Variants in HAPLN1 observed in about 807,000 individuals in gnomAD.
HAPLN1 encodes Cartilage link protein.
Under a neutral mutation model 36.5 loss-of-function variants are expected in HAPLN1, and 13 were observed. That is an observed-to-expected ratio of 0.36 (90% CI 0.23 to 0.57). The LOEUF (loss-of-function observed/expected upper bound fraction) is 0.57. Among genes scored for constraint, HAPLN1 ranks in the 20% least tolerant of loss-of-function variants. The pLI is 0.83. For synonymous variants in HAPLN1, 202 were observed against 169.8 expected, an observed-to-expected ratio of 1.19 and a Z score of -1.48; for missense variants, 407 against 439.7, an observed-to-expected ratio of 0.93 and a Z score of 0.66.
intron 1 of HAPLN1, among the ~76,000 whole-genome samples, chr5:83,709,248 T>C (rs1751721736): frequency 6.6e-6 from 1 of 152,240 alleles, no homozygotes; most frequent in Non-Finnish European, 1.5e-5. Flanking sequence ...TGTATTTTTC[T>C]GTATTGCCTA....
chr5:83,718,146 T>C (rs1751953583), intron 1 of HAPLN1, among the ~76,000 whole-genome samples: 1 of 152,216 alleles, frequency 6.6e-6, no homozygotes, highest in Non-Finnish European at 1.5e-5. Flanking sequence ...TATATCCTTG[T>C]GGAGGCGGAA....
intron 1 of HAPLN1, among the ~76,000 whole-genome samples, chr5:83,714,962 A>G (rs747141827): frequency 6.6e-6 from 1 of 152,218 alleles, no homozygotes; most frequent in Non-Finnish European, 1.5e-5. Context: ...CTAAAGCGCT[A>G]GGGGAGGTGG....
chr5:83,714,921 C>T (rs190279169), intron 1 of HAPLN1, among the ~76,000 whole-genome samples: 74 of 152,320 alleles, frequency 4.9e-4, no homozygotes, highest in South Asian at 2.1e-3. Flanking sequence ...TTGGATGCCC[C>T]TTGGGGCAAA....
intron 1 of HAPLN1, among the ~76,000 whole-genome samples, chr5:83,675,496 GAT>G (rs1750837212): frequency 6.6e-6 from 1 of 152,128 alleles, no homozygotes; most frequent in South Asian, 2.1e-4. Context: ...AGCTGTATAT[GAT>G]ACACACACTA....
chr5:83,684,116 G>A (rs904582705), intron 1 of HAPLN1, among the ~76,000 whole-genome samples: 11 of 152,108 alleles, frequency 7.2e-5, no homozygotes, highest in Non-Finnish European at 1.5e-4. Context: ...TGGGAGCAAT[G>A]ACTTGAAGGA....
intron 1 of HAPLN1, among the ~76,000 whole-genome samples, chr5:83,706,610 C>T (rs1250030310): frequency 6.6e-6 from 1 of 152,122 alleles, no homozygotes; most frequent in African/African-American, 2.4e-5. Flanking sequence ...TATAACAAAC[C>T]CACAGTCAAC....
At position 83,640,711 on chromosome 5, in the gene HAPLN1, G is replaced by C. The variant is rs1405769939; in HGVS notation, c.*785C>G. ...AATGCTGCTTAGCAAATGGCCCTTA[G>C]AATTTAAATACAACTCGGTAAAGCT... On this transcript the variant is annotated 3_prime_UTR_variant, in exon 5 of 5. Transcript: ENST00000274341. The C allele has an allele frequency of 6.6e-6, 1 of 152,078 alleles. No individual in the cohort carries two copies. Among genetic ancestry groups the C allele is most frequent in the African/African-American group, 2.4e-5 (1 of 41,418 alleles). The allele number at this position is 152,078 out of a possible 1,614,324, so 9.4% of individuals were successfully genotyped here.
chr5:83,710,624 A>C (rs137862345), intron 1 of HAPLN1, among the ~76,000 whole-genome samples: 2,240 of 152,284 alleles, frequency 0.015, 18 homozygotes, highest in Non-Finnish European at 0.022. Flanking sequence ...TATGTTTTTA[A>C]GATAAAGAAG....
At chr5:83,685,827 C>T (rs1307325560) in intron 1 of HAPLN1, 1 of 152,128 alleles carries the variant, frequency 6.6e-6, no homozygotes, top group East Asian at 1.9e-4. Flanking sequence ...GACCTTTTCT[C>T]TCTTGTCGGT....
Position 83,644,633 on chromosome 5 carries a change from G to T in HAPLN1, c.505C>A (p.Arg169Ser), listed in dbSNP as rs773994130. ...VVFPYFPRLG[R>S]YNLNFHEAQQ... is the part of the protein sequence containing the mutation. ...GCCTCGTGAAAATTGAGATTGTAGC[G>T]CCCCAGTCGTGGAAAGTAAGGGAAT... is the stretch of plus-strand genomic sequence containing the variant. The change falls in exon 4 of 5, where the codon CGC (arginine) becomes AGC (serine). Residue 169 changes from arginine (R) to serine (S), a missense_variant. By Grantham distance (110) the Arg-to-Ser change is moderately radical. Transcript: ENST00000274341. 6.7e-7 allele frequency: 1 copy of T among 1,489,052 alleles called. No homozygotes were observed. The allele number at this position is 1,489,052 out of a possible 1,614,324, so 92.2% of individuals were successfully genotyped here. A position where few individuals can be genotyped will look rare whatever the true frequency, so the allele number is the denominator to read the frequency against.
At chr5:83,680,528 G>A (rs6863929) in intron 1 of HAPLN1, among the ~76,000 whole-genome samples, 3,504 of 152,116 alleles carry the variant, frequency 0.023, 135 homozygotes, top group African/African-American at 0.08. Flanking sequence ...TTTCATATAG[G>A]TTTTTATGGG....
chr5:83,651,502 G>A (rs544964084), intron 3 of HAPLN1, among the ~76,000 whole-genome samples: 120 of 127,132 alleles, frequency 9.4e-4, no homozygotes, highest in African/African-American at 3.3e-3. Flanking sequence ...TGTACTTTAC[G>A]ATGTTGTGCA....
chr5:83,650,939 T>C (rs980943807), intron 3 of HAPLN1, among the ~76,000 whole-genome samples: 1 of 152,186 alleles, frequency 6.6e-6, no homozygotes, highest in African/African-American at 2.4e-5. Flanking sequence ...GGAGCCTTGA[T>C]TTGACCCTAT....
intron 1 of HAPLN1, among the ~76,000 whole-genome samples, chr5:83,678,095 C>T (rs1750901078): frequency 6.6e-6 from 1 of 152,082 alleles, no homozygotes; most frequent in African/African-American, 2.4e-5. Context: ...TTTAAGATTA[C>T]TGGGCGTTCT....
At chr5:83,664,089 C>T (rs1750487824) in intron 2 of HAPLN1, among the ~76,000 whole-genome samples, 1 of 152,190 alleles carries the variant, frequency 6.6e-6, no homozygotes, top group African/African-American at 2.4e-5. Context: ...TGGTCTGCCT[C>T]CTGCCTACTC....
At chr5:83,684,522 A>G (rs1334579986) in intron 1 of HAPLN1, among the ~76,000 whole-genome samples, 5 of 152,120 alleles carry the variant, frequency 3.3e-5, no homozygotes, top group Non-Finnish European at 5.9e-5. Flanking sequence ...CAGGATATAG[A>G]AACGGTTTCA....
intron 1 of HAPLN1, among the ~76,000 whole-genome samples, chr5:83,717,193 T>C (rs1751935430): frequency 6.6e-6 from 1 of 152,218 alleles, no homozygotes; most frequent in African/African-American, 2.4e-5. Context: ...AATGTGTTTT[T>C]TTCCTGGTAG....
chr5:83,676,368 A>G (rs1003036150), intron 1 of HAPLN1, among the ~76,000 whole-genome samples: 33 of 152,346 alleles, frequency 2.2e-4, no homozygotes, highest in African/African-American at 7.2e-4. Flanking sequence ...GCTGGATTCA[A>G]TACAATCCAG....
chr5:83,706,194 A>C (rs1436096800), intron 1 of HAPLN1, among the ~76,000 whole-genome samples: 1 of 152,032 alleles, frequency 6.6e-6, no homozygotes, highest in Non-Finnish European at 1.5e-5. Flanking sequence ...CATTCCAAAA[A>C]ATCAAGAAGG....
Sources: gnomAD v4.1 joint callset for allele counts (sites outside exome capture counted in the v4.1 genomes callset) on GRCh38, gnomAD v4.1.1 for gene constraint, MANE v1.5 for transcripts, NCBI Gene and HGNC (gene_info 2026-07-23, HGNC 2026-07-21) for gene names.